Variants in PHF21B observed in about 807,000 individuals in gnomAD.
The protein encoded by PHF21B is PHD finger protein 21B.
In PHF21B, 22 loss-of-function variants were observed where a neutral mutation model predicts 62.2. The ratio of observed to expected loss-of-function variants is 0.35; its 90% CI spans 0.25 to 0.51. The LOEUF (loss-of-function observed/expected upper bound fraction) is 0.51, where lower values mean the gene tolerates loss of function less well. Among genes scored for constraint, PHF21B ranks in the 20% least tolerant of loss-of-function variants. The probability of loss-of-function intolerance (pLI) is 0.97; values close to 1 mark genes in which losing one functional copy is unlikely to be tolerated. For synonymous variants in PHF21B, 341 were observed against 314.7 expected (o/e 1.08, Z -0.88); for missense variants, 701 against 707.9 (o/e 0.99, Z 0.11).
In PHF21B at chr22:44,916,468, G is replaced by A. The variant is rs750977416; in HGVS notation, c.376C>T (p.Pro126Ser). The change falls in exon 4 of 13, where the codon CCC (proline) becomes TCC (serine). Residue 126 changes from proline (P) to serine (S), a missense_variant. By Grantham distance (74) the Pro-to-Ser change is moderately conservative (BLOSUM62 -1). Coordinates refer to ENST00000313237, the MANE Select transcript of PHF21B (RefSeq NM_138415.5). ...GCGAGGGCCTGGGGCTGGCTGCCGG[G>A]CGCTGGCACATGGCTGACAGTGTTG... ...ANNTVSHVPA[P>S]GSQPQALAEP... 3.1e-5 allele frequency: 49 copies of A among 1,604,706 alleles called. No homozygotes were observed. The South Asian group carries it at 5.2e-4, about 17-fold the overall frequency.
chr22:44,920,326 C>G, intron 3 of PHF21B, 72 bp downstream of exon 3: 2 of 1,316,206 alleles, frequency 1.5e-6, no homozygotes, highest in Non-Finnish European at 1.0e-6. Flanking sequence ...AACCTCAGTG[C>G]TGAGGGGTTA....
intron 2 of PHF21B, among the ~76,000 whole-genome samples, chr22:44,936,421 C>T (rs2071848104): frequency 2.0e-5 from 3 of 152,330 alleles, no homozygotes; most frequent in African/African-American, 7.2e-5. Flanking sequence ...ATACCGGCAG[C>T]CCTGTCGCCT....
chr22:44,954,303 C>T (rs2072251265), intron 2 of PHF21B, among the ~76,000 whole-genome samples: 1 of 152,256 alleles, frequency 6.6e-6, no homozygotes. Flanking sequence ...CTCCCTCCCT[C>T]TTTGGGGACC....
In PHF21B at chr22:44,883,082, G is replaced by A. The variant is rs776445465; in HGVS notation, c.*4C>T. On this transcript the variant is annotated 3_prime_UTR_variant, in exon 13 of 13. Coordinates refer to ENST00000313237, the MANE Select transcript of PHF21B (RefSeq NM_138415.5). ...CCGTGGGTATGAAGACTGGTCCCTC[G>A]GGGTCAGTTGTGGCCCTGGGGGTGC... 63 of 1,606,938 alleles carry A rather than the reference G, an allele frequency of 3.9e-5. No homozygotes were observed. Among genetic ancestry groups the A allele is most frequent in the African/African-American group, 5.3e-5 (4 of 74,788 alleles).
Position 44,888,063 on chromosome 22 carries a change from G to A in PHF21B, c.1097C>T (p.Pro366Leu). 1.9e-6 allele frequency: 3 copies of A among 1,550,278 alleles called. No homozygotes were observed. The highest frequency in any genetic ancestry group is 2.6e-6 in the Non-Finnish European group (3 of 1,147,526). ...GTAGGCCCCCGGGCAGGTGCCGCAG[G>A]GCTGCAGGTTGGCCCCTCGCTTGCA... ...AACKRGANLQ[P>L]CGTCPGAYHL... The change falls in exon 10 of 13, where the codon CCC becomes CTC. Residue 366 changes from proline to leucine, a missense_variant. Pro to Leu is a moderately conservative substitution (Grantham distance 98). Transcript: ENST00000313237.
At chr22:44,968,408 C>T (rs2147440845) in intron 2 of PHF21B, among the ~76,000 whole-genome samples, 1 of 152,218 alleles carries the variant, frequency 6.6e-6, no homozygotes, top group African/African-American at 2.4e-5. Context: ...CTTTAGGAGG[C>T]TGAGGTGGGC....
At chr22:44,999,535 A>C (rs901566832) in intron 2 of PHF21B, among the ~76,000 whole-genome samples, 2 of 152,120 alleles carry the variant, frequency 1.3e-5, no homozygotes, top group Non-Finnish European at 2.9e-5. Flanking sequence ...TTTCGGAGCA[A>C]AAGTACTGCT....
At chr22:44,897,810 A>C (rs1368306934) in intron 5 of PHF21B, among the ~76,000 whole-genome samples, 1 of 151,914 alleles carries the variant, frequency 6.6e-6, no homozygotes, top group Admixed American at 6.6e-5. Context: ...GGATTTCTTT[A>C]GTCTTTTTGT....
intron 2 of PHF21B, chr22:45,003,469 G>C (rs2073256884): frequency 6.6e-6 from 1 of 152,292 alleles, no homozygotes; most frequent in Non-Finnish European, 1.5e-5. Flanking sequence ...ACGCCGCAGA[G>C]GCAGAAAAGC....
intron 2 of PHF21B, among the ~76,000 whole-genome samples, chr22:44,961,497 A>C (rs1302808922): frequency 6.6e-6 from 1 of 152,062 alleles, no homozygotes; most frequent in Non-Finnish European, 1.5e-5. Flanking sequence ...TCTTACTTCC[A>C]AGTGAAAACG....
chr22:44,954,905 C>T (rs560811679), intron 2 of PHF21B, among the ~76,000 whole-genome samples: 2 of 152,242 alleles, frequency 1.3e-5, no homozygotes, highest in South Asian at 4.2e-4. Flanking sequence ...GGACAGTCCT[C>T]CAGGGAGAAG....
At chr22:44,918,465 C>T (rs1030749925) in intron 3 of PHF21B, among the ~76,000 whole-genome samples, 2 of 152,230 alleles carry the variant, frequency 1.3e-5, no homozygotes, top group African/African-American at 4.8e-5. Flanking sequence ...GACCTTGGAG[C>T]TTATCATCTT....
At chr22:44,971,989 G>C (rs1457867810) in intron 2 of PHF21B, among the ~76,000 whole-genome samples, 2 of 152,256 alleles carry the variant, frequency 1.3e-5, no homozygotes, top group African/African-American at 4.8e-5. Context: ...GTTGGGGGGA[G>C]AGATGAGGGT....
intron 2 of PHF21B, among the ~76,000 whole-genome samples, chr22:44,939,687 G>A (rs2071918405): frequency 1.3e-5 from 2 of 152,174 alleles, no homozygotes; most frequent in Admixed American, 1.3e-4. Flanking sequence ...ACGGCCACAG[G>A]GGATGGGTGG....
chr22:44,885,417 G>A lies in PHF21B; in HGVS notation c.1377+9C>T, dbSNP rs755587919. 2.2e-5 allele frequency: 34 copies of A among 1,566,510 alleles called. No individual in the cohort carries two copies. The highest frequency in any genetic ancestry group is 2.2e-4 in the Middle Eastern group (1 of 4,496). On this transcript the variant is annotated intron_variant, in intron 12 of 12. Coordinates refer to ENST00000313237, the MANE Select transcript of PHF21B (RefSeq NM_138415.5). The stretch of plus-strand genomic sequence containing the variant: ...CTGAGGCCAGCCTCCCCCAGGCCCC[G>A]GGGCACACCTGCACTGCTGACGCCA...
intron 6 of PHF21B, among the ~76,000 whole-genome samples, chr22:44,895,080 C>T (rs902108196): frequency 9.9e-5 from 15 of 152,220 alleles, no homozygotes; most frequent in African/African-American, 3.4e-4. Flanking sequence ...CCAGGTTTAC[C>T]AGGGTATGTG....
chr22:44,992,695 G>T (rs185765328), intron 2 of PHF21B, among the ~76,000 whole-genome samples: 8 of 152,220 alleles, frequency 5.3e-5, no homozygotes, highest in Non-Finnish European at 8.8e-5. Context: ...ACTTTCTGTG[G>T]ACTGAACAGC....
chr22:44,948,471 C>T (rs1487862533), intron 2 of PHF21B, among the ~76,000 whole-genome samples: 3 of 151,972 alleles, frequency 2.0e-5, no homozygotes, highest in South Asian at 2.1e-4. Context: ...CATCTGATGT[C>T]GGGAGTTTGA....
At chr22:44,948,098 C>T (rs2072115518) in intron 2 of PHF21B, among the ~76,000 whole-genome samples, 1 of 151,580 alleles carries the variant, frequency 6.6e-6, no homozygotes, top group Admixed American at 6.6e-5. Context: ...GCACAGAGAC[C>T]AGCTCCGTGG....
Sources: allele counts gnomAD v4.1 joint callset (sites outside exome capture counted in the v4.1 genomes callset), GRCh38; gene constraint gnomAD v4.1.1; transcripts MANE v1.5; gene names NCBI Gene and HGNC (gene_info 2026-07-23, HGNC 2026-07-21).